The following DCLK2 variants were observed in gnomAD, a reference collection of about 807,000 sequenced individuals.
DCLK2 encodes serine/threonine-protein kinase DCLK2.
DCLK2 carries 31 observed loss-of-function variants against 78.4 expected under a neutral mutation model. That is an observed-to-expected ratio of 0.40 (90% CI 0.30 to 0.53). DCLK2 has a LOEUF of 0.53. DCLK2 is among the 20% of genes least tolerant of loss of function. The pLI is 0.61. For missense variants in DCLK2, 872 were observed against 973.7 expected (o/e 0.90, Z 1.39); for synonymous variants, 407 against 374.9 (o/e 1.09, Z -0.99).
chr4:150,195,475 A>C (rs866596873), intron 3 of DCLK2, among the ~76,000 whole-genome samples: 1 of 94,388 alleles, frequency 1.1e-5, no homozygotes, highest in Non-Finnish European at 2.0e-5. Flanking sequence ...TATTATATAT[A>C]TTATTATATA....
chr4:150,194,860 A>G (rs1054668035), intron 3 of DCLK2, among the ~76,000 whole-genome samples: 1 of 151,896 alleles, frequency 6.6e-6, no homozygotes, highest in Non-Finnish European at 1.5e-5. Context: ...GAGAGGATAC[A>G]TTCTGTGGTA....
intron 3 of DCLK2, among the ~76,000 whole-genome samples, chr4:150,195,505 T>TATTATTATATAATATATATTATATTATA (rs1738972800): frequency 2.8e-5 from 3 of 106,442 alleles, no homozygotes; most frequent in African/African-American, 1.1e-4. Context: ...ATATTATATA[T>TATTATTATATAATATATATTATATTATA]CATCTGTACT....
intron 2 of DCLK2, among the ~76,000 whole-genome samples, chr4:150,130,615 G>A (rs1211872321): frequency 6.6e-6 from 1 of 152,090 alleles, no homozygotes; most frequent in Non-Finnish European, 1.5e-5. Context: ...AGGGGGCTAT[G>A]TGAAGACTAT....
At chr4:150,229,303 G>C (rs1370162781) in intron 8 of DCLK2, among the ~76,000 whole-genome samples, 1 of 152,176 alleles carries the variant, frequency 6.6e-6, no homozygotes, top group Admixed American at 6.5e-5. Context: ...ATTCCAGCTT[G>C]GGTGACAGAG....
At chr4:150,105,339 T>A (rs1731178929) in intron 2 of DCLK2, among the ~76,000 whole-genome samples, 2 of 151,990 alleles carry the variant, frequency 1.3e-5, no homozygotes, top group African/African-American at 2.4e-5. Context: ...AATGCTACAA[T>A]GAAAAAGATG....
At chr4:150,252,613 A>G (rs1198743575) in intron 15 of DCLK2, among the ~76,000 whole-genome samples, 4 of 152,182 alleles carry the variant, frequency 2.6e-5, no homozygotes, top group African/African-American at 4.8e-5. Flanking sequence ...GACAGAACCT[A>G]TGTCGTGTGG....
rs555869936 is a variant in DCLK2, at chr4:150,245,406, A to G, written c.1779-2197A>G. Among the ~76,000 whole-genome samples, 3 of 152,128 alleles carry G rather than the reference A, an allele frequency of 2.0e-5. No individual in the cohort carries two copies. In the South Asian group the frequency reaches 6.2e-4, roughly 32 times the overall value. On this transcript the variant is annotated intron_variant, in intron 12 of 15. Transcript: ENST00000296550. ...TTATTTTATTTAAGTTCTAGGGTACATGTGCCCAACGTGCAGGTTTGTTAC... is the reference window on the plus strand; with the variant it reads ...TTATTTTATTTAAGTTCTAGGGTACGTGTGCCCAACGTGCAGGTTTGTTAC...
At chr4:150,179,342 T>C (rs557113658) in intron 2 of DCLK2, among the ~76,000 whole-genome samples, 4 of 152,326 alleles carry the variant, frequency 2.6e-5, no homozygotes, top group Admixed American at 1.3e-4. Flanking sequence ...TTTCTTCTTT[T>C]AATAGTGATG....
At chr4:150,146,054 C>G (rs1430007201) in intron 2 of DCLK2, among the ~76,000 whole-genome samples, 1 of 152,162 alleles carries the variant, frequency 6.6e-6, no homozygotes, top group African/African-American at 2.4e-5. Flanking sequence ...GCCTCCTGTT[C>G]ATCTTTAAGT....
chr4:150,187,401 A>G (rs1021422151), intron 2 of DCLK2, among the ~76,000 whole-genome samples: 3 of 152,126 alleles, frequency 2.0e-5, no homozygotes, highest in Non-Finnish European at 4.4e-5. Context: ...GGGCTTTTGT[A>G]CATTTCTTTC....
intron 15 of DCLK2, among the ~76,000 whole-genome samples, chr4:150,255,122 TTTG>T (rs1299599312): frequency 5.3e-5 from 8 of 152,246 alleles, no homozygotes; most frequent in African/African-American, 4.8e-5. Flanking sequence ...CCAGACTTTT[TTTG>T]TTGTTGTTAA....
At chr4:150,103,958 A>G (rs921433803) in intron 2 of DCLK2, among the ~76,000 whole-genome samples, 32 of 152,262 alleles carry the variant, frequency 2.1e-4, no homozygotes, top group African/African-American at 7.7e-4. Flanking sequence ...ACAACACAAA[A>G]CACCTTAAGA....
At chr4:150,199,463 C>T (rs747670964) in intron 4 of DCLK2, among the ~76,000 whole-genome samples, 1 of 152,212 alleles carries the variant, frequency 6.6e-6, no homozygotes, top group African/African-American at 2.4e-5. Context: ...CCTCCCCACC[C>T]TGGGGTTAAC....
At chr4:150,243,655 A>T (rs1011680458) in intron 12 of DCLK2, among the ~76,000 whole-genome samples, 1 of 151,524 alleles carries the variant, frequency 6.6e-6, no homozygotes, top group African/African-American at 2.4e-5. Flanking sequence ...TGACGATAGC[A>T]TCTTTCATTC....
intron 1 of DCLK2, among the ~76,000 whole-genome samples, chr4:150,101,042 C>A (rs1047950883): frequency 6.6e-6 from 1 of 152,124 alleles, no homozygotes; most frequent in Non-Finnish European, 1.5e-5. Flanking sequence ...CGCTTGAACA[C>A]AGGAGTTCAA....
At chr4:150,184,641 G>A (rs971222852) in intron 2 of DCLK2, among the ~76,000 whole-genome samples, 45 of 146,500 alleles carry the variant, frequency 3.1e-4, no homozygotes, top group African/African-American at 8.7e-4. Flanking sequence ...TCACTCTGTC[G>A]CCCAGGCTGG....
chr4:150,238,619 C>T (rs1371802816), intron 10 of DCLK2, among the ~76,000 whole-genome samples: 2 of 152,066 alleles, frequency 1.3e-5, no homozygotes, highest in Non-Finnish European at 1.5e-5. Flanking sequence ...ATGGAAGGAA[C>T]ATTTTTTATT....
Position 150,220,752 on chromosome 4 carries a change from A to G in DCLK2, c.1106A>G (p.Glu369Gly). The G allele has an allele frequency of 6.2e-7, 1 of 1,613,966 alleles. No individual in the cohort carries two copies. Among genetic ancestry groups the G allele is most frequent in the South Asian group, 1.1e-5 (1 of 91,004 alleles). The change falls in exon 6 of 16, where the codon GAG becomes GGG. Residue 369 changes from glutamate to glycine, a missense_variant. Coordinates refer to ENST00000296550, the MANE Select transcript of DCLK2 (RefSeq NM_001040260.4). ...TCTTCCAATGTAAACGGTGGACCTGAGCTTGACCGTTGCATAAGTCCTGAA... is the reference window on the plus strand; with the variant it reads ...TCTTCCAATGTAAACGGTGGACCTGGGCTTGACCGTTGCATAAGTCCTGAA... ...RSSSNVNGGP[E>G]LDRCISPEGV...
chr4:150,143,931 C>G (rs1734278294), intron 2 of DCLK2, among the ~76,000 whole-genome samples: 1 of 151,272 alleles, frequency 6.6e-6, no homozygotes, highest in Non-Finnish European at 1.5e-5. Flanking sequence ...CTTATAGATT[C>G]TGGATATTAG....
Sources: gnomAD v4.1 joint callset for allele counts (sites outside exome capture counted in the v4.1 genomes callset) on GRCh38, gnomAD v4.1.1 for gene constraint, MANE v1.5 for transcripts, NCBI Gene and HGNC (gene_info 2026-07-23, HGNC 2026-07-21) for gene names.